The following CFI variants were observed in gnomAD, a reference collection of about 807,000 sequenced individuals.
CFI encodes the protein C3B/C4B inactivator.
A neutral mutation model predicts 78.8 loss-of-function variants in CFI; 66 were observed. That is an observed-to-expected ratio of 0.84 (90% confidence interval 0.69 to 1.03). The LOEUF is 1.03. Among genes scored for constraint, CFI ranks in the 50% least tolerant of loss-of-function variants. The pLI is 0.00. For synonymous variants in CFI, 250 were observed against 232.6 expected (o/e 1.07, Z -0.68); for missense variants, 706 against 704.5 (o/e 1.00, Z -0.02).
intron 1 of CFI, among the ~76,000 whole-genome samples, chr4:109,777,251 T>C (rs1206322393): frequency 6.6e-6 from 1 of 152,112 alleles, no homozygotes; most frequent in African/African-American, 2.4e-5. Flanking sequence ...GAGACACACA[T>C]AGGCTCAAAA....
chr4:109,772,049 A>C (rs540166422), intron 1 of CFI, among the ~76,000 whole-genome samples: 1 of 152,360 alleles, frequency 6.6e-6, no homozygotes, highest in African/African-American at 2.4e-5. Context: ...ATTGGAAGCA[A>C]CTTTATGATA....
At chr4:109,781,101 C>G (rs2125845370) in intron 1 of CFI, among the ~76,000 whole-genome samples, 1 of 152,022 alleles carries the variant, frequency 6.6e-6, no homozygotes, top group African/African-American at 2.4e-5. Context: ...ACATATGTAA[C>G]AAAACTGCAC....
intron 1 of CFI, among the ~76,000 whole-genome samples, chr4:109,798,901 G>A: frequency 6.6e-6 from 1 of 151,536 alleles, no homozygotes; most frequent in East Asian, 1.9e-4. Context: ...GAGAGAGAGA[G>A]AAGAAAAAGA....
intron 8 of CFI, among the ~76,000 whole-genome samples, chr4:109,750,944 G>C (rs1471950846): frequency 6.6e-6 from 1 of 152,088 alleles, no homozygotes; most frequent in Non-Finnish European, 1.5e-5. Context: ...TATAAATCCT[G>C]GCCTTATGGC....
At chr4:109,760,224 C>T in intron 6 of CFI, 46 bp downstream of exon 6, 1 of 1,346,850 alleles carries the variant, frequency 7.4e-7, no homozygotes, top group Non-Finnish European at 1.1e-6. Flanking sequence ...TTTCAGAATC[C>T]CTGGATTCAA....
intron 1 of CFI, among the ~76,000 whole-genome samples, chr4:109,799,902 G>A (rs6533464): frequency 0.94 from 143,399 of 152,292 alleles, 68,070 homozygotes; most frequent in East Asian, 1. Flanking sequence ...GGACAGACAC[G>A]CAAAATGCTA....
At chr4:109,751,048 C>T (rs996698066) in intron 8 of CFI, among the ~76,000 whole-genome samples, 2 of 152,170 alleles carry the variant, frequency 1.3e-5, no homozygotes, top group African/African-American at 4.8e-5. Flanking sequence ...GATCCACCAT[C>T]TTGTCTCACT....
intron 11 of CFI, among the ~76,000 whole-genome samples, chr4:109,745,322 C>T (rs1724282209): frequency 6.6e-6 from 1 of 151,996 alleles, no homozygotes; most frequent in African/African-American, 2.4e-5. Flanking sequence ...CCTCCAGGAG[C>T]TGGGACTACA....
chr4:109,799,369 T>C (rs1732471872), intron 1 of CFI, among the ~76,000 whole-genome samples: 1 of 152,210 alleles, frequency 6.6e-6, no homozygotes, highest in Non-Finnish European at 1.5e-5. Context: ...GGCCTTAGGA[T>C]AGAAAAGACA....
At chr4:109,732,701 CAA>C in the CFI span, among the ~76,000 whole-genome samples, 40 of 152,026 alleles carry the variant, frequency 2.6e-4, no homozygotes, top group African/African-American at 7.2e-4. Context: ...ACTAAAAATA[CAA>C]AAAGTTAGCT....
chr4:109,801,503 G>T (rs1487126730), intron 1 of CFI, among the ~76,000 whole-genome samples: 1 of 152,124 alleles, frequency 6.6e-6, no homozygotes, highest in Non-Finnish European at 1.5e-5. Context: ...GTTTTCAGAT[G>T]TTTCAAATTT....
chr4:109,763,090 T>C (rs1727287202), intron 3 of CFI, among the ~76,000 whole-genome samples: 1 of 151,856 alleles, frequency 6.6e-6, no homozygotes, highest in Non-Finnish European at 1.5e-5. Context: ...AGGGGTGAGA[T>C]ACAAGAAAGA....
intron 1 of CFI, among the ~76,000 whole-genome samples, chr4:109,773,997 A>G (rs1205428778): frequency 6.6e-6 from 1 of 152,286 alleles, no homozygotes. Flanking sequence ...CTTGGGATAT[A>G]TGAAAGAATC....
chr4:109,735,938 G>A (rs1723346169), downstream of CFI, among the ~76,000 whole-genome samples: 1 of 152,224 alleles, frequency 6.6e-6, no homozygotes, highest in African/African-American at 2.4e-5. Context: ...TCATAACTCA[G>A]GATTACACAT....
the CFI span, among the ~76,000 whole-genome samples, chr4:109,735,155 G>A: frequency 4.8e-3 from 725 of 152,256 alleles, 26 homozygotes; most frequent in South Asian, 0.054. Context: ...GGGTCTCCCT[G>A]TGTTGCCCAG....
chr4:109,740,403 C>A (rs112397745), downstream of CFI, among the ~76,000 whole-genome samples: 2,799 of 152,146 alleles, frequency 0.018, 37 homozygotes, highest in Middle Eastern at 0.041. Flanking sequence ...AAAGAGGAAG[C>A]AGGGAAATGG....
Position 109,766,567 on chromosome 4 carries a change from T to A in CFI, c.315A>T (p.Thr105=), listed in dbSNP as rs61745205. The change falls in exon 2 of 13, where the codon ACA becomes ACT. Residue 105 remains threonine, a synonymous_variant. Coordinates refer to ENST00000394634, the MANE Select transcript of CFI (RefSeq NM_000204.5). ...GTCTCTTGCTACCTTCGGCTGTGCA[T>A]GTTCCGTTATTTAAAAACTTTGTCC... ...HPGTKFLNNG[T]CTAEGKFSVS... 9.7e-4 allele frequency: 1,564 copies of A among 1,614,216 alleles called. 15 individuals carry two copies. The African/African-American group carries it at 0.018, about 19-fold the overall frequency.
At chr4:109,797,669 A>T (rs576757678) in intron 1 of CFI, among the ~76,000 whole-genome samples, 1 of 152,352 alleles carries the variant, frequency 6.6e-6, no homozygotes, top group East Asian at 1.9e-4. Flanking sequence ...TCTGGTAAGA[A>T]GTTAATATCT....
chr4:109,775,820 T>A lies in CFI; in HGVS notation c.58-8996A>T, dbSNP rs115594866. Reference sequence around the variant, plus strand: ...AGCTTCCAGAGGAAGCAACATTTGCTGTTCTGAAATATTTGCTGGTCTGTA... The same window carrying A: ...AGCTTCCAGAGGAAGCAACATTTGCAGTTCTGAAATATTTGCTGGTCTGTA... On this transcript the variant is annotated intron_variant, in intron 1 of 12. Transcript: ENST00000394634. Among the ~76,000 whole-genome samples, 812 of 152,272 alleles carry A rather than the reference T, an allele frequency of 5.3e-3. 7 individuals carry two copies. The highest frequency in any genetic ancestry group is 0.019 in the African/African-American group (779 of 41,564).
Sources: gnomAD v4.1 joint callset for allele counts (sites outside exome capture counted in the v4.1 genomes callset) on GRCh38, gnomAD v4.1.1 for gene constraint, MANE v1.5 for transcripts, NCBI Gene and HGNC (gene_info 2026-07-23, HGNC 2026-07-21) for gene names.